TMEM219: variants seen among roughly 807,000 people sequenced by gnomAD.
TMEM219 encodes transmembrane protein 219.
TMEM219 carries 18 observed loss-of-function variants against 17.9 expected under a neutral mutation model. The ratio of observed to expected loss-of-function variants is 1.01; its 90% CI spans 0.70 to 1.49. The LOEUF (loss-of-function observed/expected upper bound fraction) is 1.49, where lower values mean the gene tolerates loss of function less well. Among genes scored for constraint, TMEM219 ranks in the 40% most tolerant of loss-of-function variants. The pLI is 0.00. For missense variants in TMEM219, 288 were observed against 292.4 expected, an observed-to-expected ratio of 0.99 and a Z score of 0.11; for synonymous variants, 113 against 124.0, an observed-to-expected ratio of 0.91 and a Z score of 0.59.
chr16:29,970,819 C>G (rs1246202891), intron 4 of TMEM219, among the ~76,000 whole-genome samples: 2 of 151,944 alleles, frequency 1.3e-5, no homozygotes, highest in Non-Finnish European at 2.9e-5. Flanking sequence ...TGGCACACAC[C>G]TGTGGTCCCA....
intron 5 of TMEM219, among the ~76,000 whole-genome samples, chr16:29,972,301 G>C (rs749033570): frequency 7.2e-5 from 11 of 152,150 alleles, no homozygotes; most frequent in Non-Finnish European, 1.2e-4. Flanking sequence ...CATTTACTGG[G>C]GACATAGTAT....
At chr16:29,972,199 G>C (rs2069303138) in intron 5 of TMEM219, 1 of 152,182 alleles carries the variant, frequency 6.6e-6, no homozygotes, top group Non-Finnish European at 1.5e-5. Flanking sequence ...TGTTTGTCTT[G>C]CTTTTGTCCT....
intron 3 of TMEM219, among the ~76,000 whole-genome samples, chr16:29,967,771 C>A (rs2069230874): frequency 6.6e-6 from 1 of 151,950 alleles, no homozygotes. Flanking sequence ...ACTAAAAATA[C>A]AAAAAATTAG....
At chr16:29,963,349 A>G in intron 2 of TMEM219, 41 bp downstream of exon 2, 3 of 1,613,732 alleles carry the variant, frequency 1.9e-6, no homozygotes, top group Non-Finnish European at 2.5e-6. Flanking sequence ...CTTCCAACCT[A>G]GACAGGCTTT....
At chr16:29,972,273 A>G (rs1463830345) in intron 5 of TMEM219, 1 of 152,246 alleles carries the variant, frequency 6.6e-6, no homozygotes, top group Non-Finnish European at 1.5e-5. Context: ...CGCTCAGAAG[A>G]GTCTAACTGA....
At position 29,963,055 on chromosome 16, in the gene TMEM219, C is replaced by G. The variant is rs8046523; in HGVS notation, c.-37-52C>G. 680 of 1,474,950 alleles carry G rather than the reference C, an allele frequency of 4.6e-4. 4 individuals carry two copies. In the African/African-American group the frequency reaches 8.5e-3, roughly 19 times the overall value. 91.4% of individuals were successfully genotyped at this position (1,474,950 alleles called of 1,614,324 possible). ...CTTTGTCTTCTCTGAGCTTTCTTTT[C>G]TCTTTGCGTAAAAGCGGTGCTCTTG... On this transcript the variant is annotated intron_variant, in intron 1 of 5. Transcript: ENST00000279396.
intron 4 of TMEM219, among the ~76,000 whole-genome samples, chr16:29,968,920 G>C (rs572894214): frequency 4.7e-4 from 72 of 152,306 alleles, no homozygotes; most frequent in South Asian, 1.9e-3. Context: ...GGCAGAGCCA[G>C]GGTTGCAACC....
intron 3 of TMEM219, among the ~76,000 whole-genome samples, chr16:29,965,595 G>GT (rs1402514509): frequency 1.3e-5 from 2 of 151,318 alleles, no homozygotes; most frequent in African/African-American, 4.9e-5. Context: ...GCCAGGCGTG[G>GT]TGGTGCACAC....
intron 3 of TMEM219, among the ~76,000 whole-genome samples, chr16:29,965,082 C>T (rs2069195981): frequency 2.0e-5 from 3 of 152,050 alleles, no homozygotes; most frequent in Admixed American, 2.0e-4. Context: ...AAATGACAAG[C>T]GATAGGGAGA....
chr16:29,962,886 A>G lies in TMEM219; in HGVS notation c.-37-221A>G, dbSNP rs2069163380. 3 of 519,768 alleles carry G rather than the reference A, an allele frequency of 5.8e-6. No homozygotes were observed. The South Asian group carries it at 6.5e-5, about 11-fold the overall frequency. The allele number at this position is 519,768 out of a possible 1,614,324, so 32.2% of individuals were successfully genotyped here. ...CAGTTTCCTTCTTCCAGCACGGAGTACACTGCTCTGCCTCCACTTAGATTA... is the reference window on the plus strand; with the variant it reads ...CAGTTTCCTTCTTCCAGCACGGAGTGCACTGCTCTGCCTCCACTTAGATTA... On this transcript the variant is annotated intron_variant, in intron 1 of 5. Transcript: ENST00000279396.
rs1421970587 is a variant in TMEM219 at position 29,968,174 on chromosome 16, A to G, written c.505A>G (p.Thr169Ala). 1.7e-5 allele frequency: 27 copies of G among 1,614,122 alleles called. No individual in the cohort carries two copies. The highest frequency in any genetic ancestry group is 2.1e-5 in the Non-Finnish European group (25 of 1,180,020). Residue 169 changes from threonine to alanine, a missense_variant, in exon 4 of 6, where the codon ACC (threonine) becomes GCC (alanine). By Grantham distance (58) the Thr-to-Ala change is moderately conservative. Coordinates refer to ENST00000279396, the MANE Select transcript of TMEM219 (RefSeq NM_001083613.2). ...SCSEEGAGNA[T>A]LSPRMGEECV... The stretch of plus-strand genomic sequence containing the variant: ...CTCAGAGGAGGGGGCTGGAAATGCC[A>G]CCCTGAGCCCTAGAATGGGTGAGGA...
chr16:29,968,268 A>G lies in TMEM219; in HGVS notation c.585+14A>G. ...CTGCTCACCTCGGTAAGAGCCTCAGATGGGTCGCCAGGGTTTTGTAGACTG... is the reference window on the plus strand; with the variant it reads ...CTGCTCACCTCGGTAAGAGCCTCAGGTGGGTCGCCAGGGTTTTGTAGACTG... On this transcript the variant is annotated intron_variant, in intron 4 of 5. Transcript: ENST00000279396. The G allele has an allele frequency of 1.2e-6, 2 of 1,603,400 alleles. No homozygotes were observed. The highest frequency in any genetic ancestry group is 2.2e-5 in the South Asian group (2 of 90,892).
At chr16:29,964,688 A>G (rs1231067483) in intron 3 of TMEM219, among the ~76,000 whole-genome samples, 1 of 151,480 alleles carries the variant, frequency 6.6e-6, no homozygotes, top group Non-Finnish European at 1.5e-5. Context: ...CCTGCGCCAA[A>G]AAAAAAAAAG....
At chr16:29,970,514 T>C (rs1000050047) in intron 4 of TMEM219, among the ~76,000 whole-genome samples, 1 of 151,548 alleles carries the variant, frequency 6.6e-6, no homozygotes, top group Non-Finnish European at 1.5e-5. Flanking sequence ...TTAGTAGAGA[T>C]GGGGTTTCAC....
At chr16:29,970,323 CTTTT>C (rs869239268) in intron 4 of TMEM219, among the ~76,000 whole-genome samples, 3 of 138,134 alleles carry the variant, frequency 2.2e-5, no homozygotes, top group African/African-American at 2.7e-5. Context: ...ACTGCTTGCA[CTTTT>C]TTTTTTTTTT....
chr16:29,964,650 C>G (rs1448490280), intron 3 of TMEM219, among the ~76,000 whole-genome samples: 1 of 151,940 alleles, frequency 6.6e-6, no homozygotes, highest in Non-Finnish European at 1.5e-5. Flanking sequence ...AACAGAGACT[C>G]TGTCCCGCCC....
At chr16:29,968,356 G>T in intron 4 of TMEM219, 102 bp downstream of exon 4, 1 of 957,652 alleles carries the variant, frequency 1.0e-6, no homozygotes, top group Non-Finnish European at 1.6e-6. Context: ...AAAAGCACAG[G>T]TTTTATAACC....
intron 1 of TMEM219, 179 bp from the exon 2 acceptor site, chr16:29,962,928 C>A (rs2069163702): frequency 3.2e-6 from 2 of 618,444 alleles, no homozygotes; most frequent in Admixed American, 2.8e-5. Context: ...AAATGAAATG[C>A]AGCAAATATT....
intron 4 of TMEM219, among the ~76,000 whole-genome samples, chr16:29,969,394 A>T (rs566644198): frequency 4.6e-4 from 70 of 151,742 alleles, no homozygotes; most frequent in Non-Finnish European, 8.4e-4. Flanking sequence ...ACAGGGTTTC[A>T]CCTTGTTAGC....
Sources: allele counts gnomAD v4.1 joint callset (sites outside exome capture counted in the v4.1 genomes callset), GRCh38; gene constraint gnomAD v4.1.1; transcripts MANE v1.5; gene names NCBI Gene and HGNC (gene_info 2026-07-23, HGNC 2026-07-21).